The following TLE1 variants were observed in gnomAD, a reference collection of about 807,000 sequenced individuals.
The protein encoded by TLE1 is transducin-like enhancer protein 1.
A neutral mutation model predicts 89.8 loss-of-function variants in TLE1; 21 were observed. That is an observed-to-expected ratio of 0.23 (90% CI 0.17 to 0.34). The LOEUF (loss-of-function observed/expected upper bound fraction) is 0.34. Ranked by LOEUF, TLE1 falls within the 10% of genes least tolerant of loss-of-function variation. TLE1 has a pLI of 1.00. For synonymous variants in TLE1, 447 were observed against 407.6 expected (o/e 1.10, Z -1.16); for missense variants, 795 against 1,031.2 (o/e 0.77, Z 3.14).
Position 81,585,596 on chromosome 9 carries a change from G to A in TLE1, c.2037C>T (p.Ser679=). 1 of 1,614,110 alleles carries A rather than the reference G, an allele frequency of 6.2e-7. No homozygotes were observed. Among genetic ancestry groups the A allele is most frequent in the Non-Finnish European group, 8.5e-7 (1 of 1,180,038 alleles). ...GEWLAVGMES[S]NVEVLHVNKP... ...TGTTCACGTGCAGCACCTCCACATTGCTGCTCTCCATGCCCACTGCCAGCC... is the reference window on the plus strand; with the variant it reads ...TGTTCACGTGCAGCACCTCCACATTACTGCTCTCCATGCCCACTGCCAGCC... The change falls in exon 18 of 20, where the codon AGC becomes AGT. Residue 679 remains serine (S), a synonymous_variant. Transcript: ENST00000376499.
At chr9:81,597,922 A>G (rs777703293) in intron 14 of TLE1, among the ~76,000 whole-genome samples, 44 of 152,128 alleles carry the variant, frequency 2.9e-4, no homozygotes, top group Non-Finnish European at 5.4e-4. Context: ...GCTCCTGTTA[A>G]TAAAACTATG....
chr9:81,625,911 T>TAAAAAAAAAAAAAAAA (rs35467275), intron 8 of TLE1, among the ~76,000 whole-genome samples: 4 of 87,834 alleles, frequency 4.6e-5, no homozygotes, highest in African/African-American at 1.6e-4. Context: ...CAGAAACTAC[T>TAAAAAAAAAAAAAAAA]AAAAAAAAAA....
intron 14 of TLE1, among the ~76,000 whole-genome samples, chr9:81,594,577 A>G (rs1259367358): frequency 6.6e-6 from 1 of 152,160 alleles, no homozygotes; most frequent in African/African-American, 2.4e-5. Flanking sequence ...TTCTACTTTG[A>G]AGACCACTAC....
chr9:81,632,637 A>G (rs1039277829), intron 8 of TLE1, among the ~76,000 whole-genome samples: 7 of 152,210 alleles, frequency 4.6e-5, no homozygotes, highest in Admixed American at 3.3e-4. Context: ...AGGTCTCTCC[A>G]GAGCTAACTG....
At chr9:81,633,755 T>C in intron 7 of TLE1, 1 of 476,980 alleles carries the variant, frequency 2.1e-6, no homozygotes, top group East Asian at 3.1e-5. Flanking sequence ...ATTTAACTTC[T>C]TATTTCGCCC....
chr9:81,604,607 C>A (rs1352929660), intron 14 of TLE1, among the ~76,000 whole-genome samples: 1 of 152,130 alleles, frequency 6.6e-6, no homozygotes, highest in African/African-American at 2.4e-5. Flanking sequence ...AGCAGTGGGT[C>A]CCCCATCCTT....
chr9:81,652,203 A>G lies in TLE1; in HGVS notation c.372+11T>C. The G allele has an allele frequency of 6.2e-7, 1 of 1,613,640 alleles. No individual in the cohort carries two copies. On this transcript the variant is annotated intron_variant, in intron 6 of 19. Transcript: ENST00000376499. Reference sequence around the variant, plus strand: ...ACACACTGTAGGAGGTAGACCTGGTAGGCCACGTACCCCGATGATGGCATT... The same window carrying G: ...ACACACTGTAGGAGGTAGACCTGGTGGGCCACGTACCCCGATGATGGCATT...
At chr9:81,586,838 A>G (rs931523304) in intron 17 of TLE1, among the ~76,000 whole-genome samples, 17 of 151,946 alleles carry the variant, frequency 1.1e-4, no homozygotes. Flanking sequence ...GGAAAGAGTG[A>G]AAACAGCAAG....
intron 15 of TLE1, among the ~76,000 whole-genome samples, chr9:81,591,515 T>C: frequency 6.6e-6 from 1 of 152,196 alleles, no homozygotes; most frequent in East Asian, 1.9e-4. Context: ...AGTTGTCATG[T>C]GGCTGCTGTT....
chr9:81,587,920 G>GTGTGTGTGTCATCCCGCC lies in TLE1; in HGVS notation c.1830-93_1830-92insGGCGGGATGACACACACA, dbSNP rs1554716642. 956 of 1,015,292 alleles carry GTGTGTGTGTCATCCCGCC rather than the reference G, an allele frequency of 9.4e-4. 19 individuals are homozygous for GTGTGTGTGTCATCCCGCC. The African/African-American group carries it at 0.011, about 12-fold the overall frequency. The allele number at this position is 1,015,292 out of a possible 1,614,324, so 62.9% of individuals were successfully genotyped here. On this transcript the variant is annotated intron_variant, in intron 16 of 19. Transcript: ENST00000376499. ...TTAGTTTTGGACCGTGTGTGTGTGTGTGTGTGTGTGTGTGTGTGTGTGTGT... is the reference window on the plus strand; with the variant it reads ...TTAGTTTTGGACCGTGTGTGTGTGTGTGTGTGTGTCATCCCGCCTGTGTGTGTGTGTGTGTGTGTGTGT...
intron 6 of TLE1, among the ~76,000 whole-genome samples, chr9:81,643,403 A>G (rs1490821499): frequency 2.0e-5 from 3 of 151,728 alleles, no homozygotes; most frequent in Non-Finnish European, 4.4e-5. Context: ...CGCCAGGCTA[A>G]TTTTGCATTT....
rs1351264674 is a variant in TLE1 at position 81,689,330 on chromosome 9, C to G, written c.-1090G>C. 6.6e-6 allele frequency: 1 copy of G among 152,372 alleles called. No homozygotes were observed. Among genetic ancestry groups the G allele is most frequent in the Non-Finnish European group, 1.5e-5 (1 of 68,196 alleles). The allele number at this position is 152,372 out of a possible 1,614,324, so 9.4% of individuals were successfully genotyped here. A position where few individuals can be genotyped will look rare whatever the true frequency, so the allele number is the denominator to read the frequency against. On this transcript the variant is annotated 5_prime_UTR_variant, in exon 1 of 20. Coordinates refer to ENST00000376499, the MANE Select transcript of TLE1 (RefSeq NM_005077.5). ...ACTCTGCGGGCGAGTCCAGAGTAGT[C>G]ACAGCGGTGGGGCCAGCGGGGGTTT...
intron 5 of TLE1, 139 bp downstream of exon 5, chr9:81,653,835 C>T: frequency 1.4e-6 from 1 of 696,368 alleles, no homozygotes; most frequent in Non-Finnish European, 2.5e-6. Context: ...GATAGACTAG[C>T]AGGGGGTTTA....
intron 4 of TLE1, among the ~76,000 whole-genome samples, chr9:81,655,485 C>T (rs2796449): frequency 0.9 from 136,833 of 152,134 alleles, 61,563 homozygotes; most frequent in South Asian, 0.92. Flanking sequence ...ACTTCTAGCC[C>T]AGGGAAGGGT....
intron 4 of TLE1, among the ~76,000 whole-genome samples, chr9:81,655,948 C>G (rs781681618): frequency 6.6e-6 from 1 of 152,000 alleles, no homozygotes; most frequent in Non-Finnish European, 1.5e-5. Flanking sequence ...CTAAGATGAT[C>G]TGAATTAACT....
At chr9:81,654,447 TCTC>T (rs1291869595) in intron 4 of TLE1, among the ~76,000 whole-genome samples, 2 of 152,134 alleles carry the variant, frequency 1.3e-5, no homozygotes, top group Admixed American at 1.3e-4. Context: ...TTCACACCCT[TCTC>T]CTGCCTCAGC....
chr9:81,642,881 T>A (rs564382282), intron 6 of TLE1, among the ~76,000 whole-genome samples: 1 of 152,200 alleles, frequency 6.6e-6, no homozygotes, highest in South Asian at 2.1e-4. Context: ...ATAAACACAA[T>A]GGAATACCAT....
intron 8 of TLE1, among the ~76,000 whole-genome samples, chr9:81,632,718 CTA>C (rs564662020): frequency 3.3e-4 from 50 of 152,176 alleles, no homozygotes; most frequent in African/African-American, 1.2e-3. Flanking sequence ...AACATGAACT[CTA>C]CGCACACAGC....
chr9:81,631,422 C>T (rs1279642236), intron 8 of TLE1, among the ~76,000 whole-genome samples: 5 of 152,234 alleles, frequency 3.3e-5, no homozygotes, highest in Admixed American at 6.5e-5. Flanking sequence ...GCACATACCA[C>T]GTGGTATCAC....
Sources: allele counts gnomAD v4.1 joint callset (sites outside exome capture counted in the v4.1 genomes callset), GRCh38; gene constraint gnomAD v4.1.1; transcripts MANE v1.5; gene names NCBI Gene and HGNC (gene_info 2026-07-23, HGNC 2026-07-21).